Variants in ABCA1 observed in about 807,000 individuals in gnomAD.
ABCA1 encodes the protein ATP binding cassette subfamily A member 1.
In ABCA1, 133 loss-of-function variants were observed where a neutral mutation model predicts 262.5. That is an observed-to-expected ratio of 0.51 (90% CI 0.44 to 0.59). The LOEUF is 0.59. Ranked by LOEUF, ABCA1 falls within the 20% of genes least tolerant of loss-of-function variation. The probability of loss-of-function intolerance (pLI) is 0.00; values close to 1 mark genes in which losing one functional copy is unlikely to be tolerated. For missense variants in ABCA1, 2,452 were observed against 2,777.5 expected (o/e 0.88, Z 2.63); for synonymous variants, 1,022 against 1,043.5 (o/e 0.98, Z 0.40).
chr9:104,881,023 C>A (rs1564236331), intron 5 of ABCA1, among the ~76,000 whole-genome samples: 1 of 152,120 alleles, frequency 6.6e-6, no homozygotes, highest in Non-Finnish European at 1.5e-5. Flanking sequence ...GTGGAGCATG[C>A]CTATAGTCCC....
intron 49 of ABCA1, 65 bp downstream of exon 49, chr9:104,785,331 G>C: frequency 1.9e-6 from 3 of 1,601,620 alleles, no homozygotes. Context: ...GGACCTATGG[G>C]CGGGAGTGTC....
intron 1 of ABCA1, among the ~76,000 whole-genome samples, chr9:104,913,943 C>G (rs1007471999): frequency 5.6e-4 from 82 of 145,276 alleles, no homozygotes; most frequent in Middle Eastern, 3.8e-3. Flanking sequence ...CTACCGACAG[C>G]CGCCTGCCAA....
chr9:104,787,677 G>T, intron 46 of ABCA1: 1 of 187,090 alleles, frequency 5.3e-6, no homozygotes, highest in Non-Finnish European at 1.0e-5. Context: ...CACATATCCA[G>T]CCTCAATCAC....
rs185154993 is a variant in ABCA1, at chr9:104,784,517, G to A, written c.6646-62C>T. On this transcript the variant is annotated intron_variant, in intron 49 of 49. Coordinates refer to ENST00000374736, the MANE Select transcript of ABCA1 (RefSeq NM_005502.4). ...CTCAACTTGCTCATTCTTTATTCTA[G>A]TTCTATTTTTCCAGATGTTGAAATT... The A allele has an allele frequency of 3.7e-6, 6 of 1,601,558 alleles. No individual in the cohort carries two copies. In the African/African-American group the frequency reaches 5.4e-5, roughly 14 times the overall value.
intron 1 of ABCA1, among the ~76,000 whole-genome samples, chr9:104,908,584 C>G (rs1727854824): frequency 6.6e-6 from 1 of 152,166 alleles, no homozygotes; most frequent in Non-Finnish European, 1.5e-5. Flanking sequence ...TTGCTTGAAC[C>G]TGGGAGGCGG....
intron 5 of ABCA1, 122 bp downstream of exon 5, chr9:104,882,917 A>C (rs1838811125): frequency 9.7e-7 from 1 of 1,026,606 alleles, no homozygotes; most frequent in Non-Finnish European, 1.5e-6. Context: ...GCCAGCCACC[A>C]AGGAGAAAAA....
intron 37 of ABCA1, among the ~76,000 whole-genome samples, chr9:104,797,946 G>T (rs1175938950): frequency 6.6e-6 from 1 of 152,096 alleles, no homozygotes; most frequent in African/African-American, 2.4e-5. Context: ...CCCCCATATT[G>T]GTCCAAATAG....
intron 48 of ABCA1, among the ~76,000 whole-genome samples, 178 bp from the exon 49 acceptor site, chr9:104,785,817 C>G (rs1043428887): frequency 1.7e-4 from 26 of 152,218 alleles, no homozygotes; most frequent in Admixed American, 2.0e-4. Context: ...ATGTGAAGCA[C>G]CATGCCATGT....
chr9:104,814,021 A>T, intron 27 of ABCA1, 97 bp downstream of exon 27: 1 of 1,250,944 alleles, frequency 8.0e-7, no homozygotes. Context: ...GGGATCTATC[A>T]CCTTGGCTAA....
In ABCA1 at chr9:104,864,958, A is replaced by G. The variant is rs1159402949; in HGVS notation, c.422-3158T>C. Among the ~76,000 whole-genome samples, 12 of 152,254 alleles carry G rather than the reference A, an allele frequency of 7.9e-5. No individual in the cohort carries two copies. The East Asian group carries it at 1.7e-3, about 22-fold the overall frequency. ...ATAAGAACCCAGAGACTGATTAAAC[A>G]GTCAACAACCCTTGGCTGTGCACGT... On this transcript the variant is annotated intron_variant, in intron 5 of 49. Coordinates refer to ENST00000374736, the MANE Select transcript of ABCA1 (RefSeq NM_005502.4).
chr9:104,926,883 G>C (rs888239110), intron 1 of ABCA1, among the ~76,000 whole-genome samples: 3 of 152,214 alleles, frequency 2.0e-5, no homozygotes, highest in Non-Finnish European at 2.9e-5. Flanking sequence ...CCACCTCCGG[G>C]TCTCCGCAGG....
intron 5 of ABCA1, among the ~76,000 whole-genome samples, chr9:104,862,657 G>A (rs797020061): frequency 0.068 from 142 of 2,088 alleles, 31 homozygotes; most frequent in African/African-American, 0.17. Flanking sequence ...GCCGGGCCGG[G>A]CCGGGCCGGG....
At chr9:104,796,863 G>C (rs1829941419) in intron 37 of ABCA1, among the ~76,000 whole-genome samples, 1 of 152,150 alleles carries the variant, frequency 6.6e-6, no homozygotes, top group South Asian at 2.1e-4. Context: ...ATGAATGTCA[G>C]AATTGTTTCA....
At chr9:104,920,036 A>G (rs1842057351) in intron 1 of ABCA1, among the ~76,000 whole-genome samples, 1 of 152,222 alleles carries the variant, frequency 6.6e-6, no homozygotes, top group Admixed American at 6.5e-5. Context: ...CTTCTTCTGA[A>G]TACAGACCTG....
chr9:104,801,458 G>T (rs1285605135), intron 34 of ABCA1, among the ~76,000 whole-genome samples: 4 of 152,014 alleles, frequency 2.6e-5, no homozygotes, highest in African/African-American at 9.7e-5. Context: ...CTGACCTTGT[G>T]CTTTGCCCGC....
intron 2 of ABCA1, among the ~76,000 whole-genome samples, chr9:104,901,838 C>T (rs1436129320): frequency 1.3e-5 from 2 of 152,108 alleles, no homozygotes; most frequent in Non-Finnish European, 2.9e-5. Flanking sequence ...TCCCCAGCTA[C>T]AACATGTGGA....
At position 104,796,073 on chromosome 9, in the gene ABCA1, G is replaced by A. The variant is rs749921908; in HGVS notation, c.5362C>T (p.Leu1788=). The part of the protein sequence containing the change: ...GINGSVATFV[L]ELFTDNKLNN... The stretch of plus-strand genomic sequence containing the variant: ...CTCACATTGTCGGTGAACAGCTCCA[G>A]CACAAAGGTGGCCACGCTGCCATTA... The change falls in exon 39 of 50, where the codon CTG becomes TTG. Residue 1788 remains leucine, a synonymous_variant. Coordinates refer to ENST00000374736, the MANE Select transcript of ABCA1 (RefSeq NM_005502.4). The A allele has an allele frequency of 2.5e-5, 41 of 1,612,766 alleles. No individual in the cohort carries two copies. Among genetic ancestry groups the A allele is most frequent in the Non-Finnish European group, 3.5e-5 (41 of 1,179,996 alleles).
At chr9:104,926,882 G>A (rs1050024796) in intron 1 of ABCA1, among the ~76,000 whole-genome samples, 2 of 152,174 alleles carry the variant, frequency 1.3e-5, no homozygotes, top group Non-Finnish European at 2.9e-5. Flanking sequence ...CCCACCTCCG[G>A]GTCTCCGCAG....
At chr9:104,822,920 G>A (rs1294440016) in intron 18 of ABCA1, among the ~76,000 whole-genome samples, 1 of 152,076 alleles carries the variant, frequency 6.6e-6, no homozygotes, top group African/African-American at 2.4e-5. Context: ...TTAAAATAGA[G>A]GATGCTGAAA....
Sources: gnomAD v4.1 joint callset for allele counts (sites outside exome capture counted in the v4.1 genomes callset) on GRCh38, gnomAD v4.1.1 for gene constraint, MANE v1.5 for transcripts, NCBI Gene and HGNC (gene_info 2026-07-23, HGNC 2026-07-21) for gene names.